The following THSD4 variants were observed in gnomAD, a reference collection of about 807,000 sequenced individuals.
The protein encoded by THSD4 is thrombospondin type-1 domain-containing protein 4.
In THSD4, 69 loss-of-function variants were observed where a neutral mutation model predicts 119.0. The ratio of observed to expected loss-of-function variants is 0.58; its 90% CI spans 0.48 to 0.71. The LOEUF is 0.71. THSD4 is among the 30% of genes least tolerant of loss of function. THSD4 has a pLI of 0.00. For missense variants in THSD4, 1,393 were observed against 1,391.1 expected (o/e 1.00, Z -0.02); for synonymous variants, 524 against 540.4 (o/e 0.97, Z 0.42).
rs908411019 is a variant in THSD4 at position 71,241,857 on chromosome 15, C to T, written c.465-792C>T. 4.6e-5 allele frequency among the ~76,000 whole-genome samples: 7 copies of T among 152,278 alleles called. No homozygotes were observed. In the South Asian group the frequency reaches 6.2e-4, roughly 14 times the overall value. On this transcript the variant is annotated intron_variant, in intron 4 of 17. Transcript: ENST00000261862. The stretch of plus-strand genomic sequence containing the variant: ...GCCCAGGATGGCTTTGAATGCAGCC[C>T]AACACAAATTCGTAAACTTTCTTAA...
chr15:71,528,606 G>A (rs2048562758), intron 7 of THSD4, among the ~76,000 whole-genome samples: 1 of 152,108 alleles, frequency 6.6e-6, no homozygotes, highest in Admixed American at 6.5e-5. Flanking sequence ...TATAGAGGAG[G>A]CACTGTATAA....
chr15:71,382,257 C>A (rs1250024737), intron 6 of THSD4, among the ~76,000 whole-genome samples: 1 of 152,052 alleles, frequency 6.6e-6, no homozygotes, highest in East Asian at 1.9e-4. Context: ...ATTTTCTGGG[C>A]CAAATGCCTA....
chr15:71,684,189 A>G (rs919479491), intron 8 of THSD4, among the ~76,000 whole-genome samples: 3 of 152,146 alleles, frequency 2.0e-5, no homozygotes, highest in Non-Finnish European at 4.4e-5. Flanking sequence ...ATTCTTATCA[A>G]TATACAGAAA....
At chr15:71,462,977 T>A (rs937440428) in intron 7 of THSD4, among the ~76,000 whole-genome samples, 1 of 152,256 alleles carries the variant, frequency 6.6e-6, no homozygotes, top group African/African-American at 2.4e-5. Context: ...AAAGATCTCA[T>A]TAGCTTTTTT....
At chr15:71,345,015 C>T (rs1007803284) in intron 6 of THSD4, among the ~76,000 whole-genome samples, 1 of 151,782 alleles carries the variant, frequency 6.6e-6, no homozygotes, top group Middle Eastern at 3.2e-3. Flanking sequence ...TTAGAGGGGG[C>T]GAAAGAGTCA....
chr15:71,331,045 T>G (rs530429946), intron 6 of THSD4, among the ~76,000 whole-genome samples: 1 of 152,342 alleles, frequency 6.6e-6, no homozygotes, highest in African/African-American at 2.4e-5. Context: ...AGCTCATTTC[T>G]CCTGCGCTCC....
intron 11 of THSD4, among the ~76,000 whole-genome samples, chr15:71,740,566 T>C (rs539891780): frequency 2.6e-5 from 4 of 152,296 alleles, no homozygotes; most frequent in East Asian, 3.9e-4. Context: ...GGCAAATGCA[T>C]GTGCTGGTTC....
intron 8 of THSD4, among the ~76,000 whole-genome samples, chr15:71,684,118 C>T (rs2051856159): frequency 6.6e-6 from 1 of 152,174 alleles, no homozygotes; most frequent in Admixed American, 6.5e-5. Context: ...TATTTAATTG[C>T]ATTTTGCTGT....
intron 1 of THSD4, among the ~76,000 whole-genome samples, chr15:71,116,610 C>T (rs1354536329): frequency 1.3e-5 from 2 of 152,186 alleles, no homozygotes; most frequent in Non-Finnish European, 2.9e-5. Flanking sequence ...CCTTTTCGGG[C>T]TATGAGTCTA....
At chr15:71,554,873 A>G (rs2140868465) in intron 7 of THSD4, among the ~76,000 whole-genome samples, 1 of 152,294 alleles carries the variant, frequency 6.6e-6, no homozygotes, top group African/African-American at 2.4e-5. Flanking sequence ...GAACATATGT[A>G]ATATATAAGC....
chr15:71,430,219 A>G (rs1322928489), intron 7 of THSD4, among the ~76,000 whole-genome samples: 4 of 152,186 alleles, frequency 2.6e-5, no homozygotes, highest in Non-Finnish European at 5.9e-5. Flanking sequence ...AACAATGAAC[A>G]GGGCTAGAAT....
chr15:71,098,928 C>A (rs904214009), intron 1 of THSD4, among the ~76,000 whole-genome samples: 2 of 152,074 alleles, frequency 1.3e-5, no homozygotes, highest in African/African-American at 2.4e-5. Context: ...GCCTAAAATC[C>A]AGGTCTGATC....
At chr15:71,658,136 C>T (rs114523018) in intron 7 of THSD4, among the ~76,000 whole-genome samples, 4,248 of 152,220 alleles carry the variant, frequency 0.028, 205 homozygotes, top group African/African-American at 0.097. Flanking sequence ...TTGTTACCAC[C>T]GAAAAGCAAG....
At chr15:71,767,369 C>A (rs1413746241) in intron 16 of THSD4, 1 of 152,132 alleles carries the variant, frequency 6.6e-6, no homozygotes, top group Non-Finnish European at 1.5e-5. Flanking sequence ...TTGCAAGTGA[C>A]TTGAATACAT....
chr15:71,332,637 T>A (rs890024133), intron 6 of THSD4, among the ~76,000 whole-genome samples: 1 of 152,148 alleles, frequency 6.6e-6, no homozygotes, highest in African/African-American at 2.4e-5. Context: ...GTTAACATTT[T>A]ATGGCCCGAT....
chr15:71,416,074 G>A (rs2046756157), intron 7 of THSD4, among the ~76,000 whole-genome samples: 1 of 152,194 alleles, frequency 6.6e-6, no homozygotes, highest in Admixed American at 6.5e-5. Context: ...TGGGATTACA[G>A]GTGTGAGCCA....
At chr15:71,727,553 A>ATATAT (rs1398113355) in intron 8 of THSD4, among the ~76,000 whole-genome samples, 2 of 122,790 alleles carry the variant, frequency 1.6e-5, no homozygotes, top group African/African-American at 7.7e-5. Flanking sequence ...AAAAAAAAAA[A>ATATAT]ATATATATAT....
intron 5 of THSD4, among the ~76,000 whole-genome samples, chr15:71,250,395 C>T (rs531484028): frequency 2.6e-5 from 4 of 152,240 alleles, no homozygotes; most frequent in Admixed American, 1.3e-4. Flanking sequence ...TGGAGTGCAG[C>T]GGCATGATCA....
At chr15:71,389,805 G>A (rs866061655) in intron 6 of THSD4, among the ~76,000 whole-genome samples, 9 of 56,344 alleles carry the variant, frequency 1.6e-4, no homozygotes, top group Non-Finnish European at 3.5e-4. Flanking sequence ...GCTATTTTCT[G>A]GGTTGTTTTT....
Sources: gnomAD v4.1 joint callset for allele counts (sites outside exome capture counted in the v4.1 genomes callset) on GRCh38, gnomAD v4.1.1 for gene constraint, MANE v1.5 for transcripts, NCBI Gene and HGNC (gene_info 2026-07-23, HGNC 2026-07-21) for gene names.